EPHA3: variants seen among roughly 807,000 people sequenced by gnomAD.
EPHA3 encodes ephrin type-A receptor 3.
Under a neutral mutation model 107.1 loss-of-function variants are expected in EPHA3, and 42 were observed. The observed-to-expected ratio is 0.39, with a 90% CI of 0.31 to 0.51. The LOEUF is 0.51. EPHA3 is among the 20% of genes least tolerant of loss of function. The probability of loss-of-function intolerance (pLI) is 0.78; values close to 1 mark genes in which losing one functional copy is unlikely to be tolerated. For synonymous variants in EPHA3, 461 were observed against 424.8 expected, an observed-to-expected ratio of 1.09 and a Z score of -1.05; for missense variants, 1,183 against 1,211.2, an observed-to-expected ratio of 0.98 and a Z score of 0.35.
intron 3 of EPHA3, among the ~76,000 whole-genome samples, chr3:89,315,831 A>G (rs1254823105): frequency 6.6e-6 from 1 of 151,848 alleles, no homozygotes; most frequent in Non-Finnish European, 1.5e-5. Flanking sequence ...CAGAATGTCA[A>G]ATTTAGTTGA....
chr3:89,146,233 T>G (rs1704555435), intron 2 of EPHA3, among the ~76,000 whole-genome samples: 1 of 151,894 alleles, frequency 6.6e-6, no homozygotes, highest in Non-Finnish European at 1.5e-5. Context: ...CATTAGTCAC[T>G]TAGTAGCTGT....
At chr3:89,420,273 T>A (rs1709330031) in intron 11 of EPHA3, among the ~76,000 whole-genome samples, 1 of 151,472 alleles carries the variant, frequency 6.6e-6, no homozygotes, top group Non-Finnish European at 1.5e-5. Context: ...AACAGACATA[T>A]TTTTCATAAT....
intron 3 of EPHA3, among the ~76,000 whole-genome samples, chr3:89,247,211 T>A (rs1388823362): frequency 6.6e-6 from 1 of 152,168 alleles, no homozygotes; most frequent in African/African-American, 2.4e-5. Flanking sequence ...TGTAGAGATA[T>A]ACAGACTCCA....
In EPHA3 at chr3:89,255,222, T is replaced by G. The variant is rs535382691; in HGVS notation, c.814+44702T>G. Among the ~76,000 whole-genome samples the G allele has an allele frequency of 1.2e-4, 18 of 152,338 alleles. No homozygotes were observed. In the South Asian group the frequency reaches 3.7e-3, roughly 32 times the overall value. ...CTCAAGACGGAAGTCTATGGTAGCA[T>G]TTTATTACACGTATGACCACACATT... On this transcript the variant is annotated intron_variant, in intron 3 of 16. Coordinates refer to ENST00000336596, the MANE Select transcript of EPHA3 (RefSeq NM_005233.6).
chr3:89,424,915 G>A (rs933389947), intron 11 of EPHA3, among the ~76,000 whole-genome samples: 18 of 151,398 alleles, frequency 1.2e-4, no homozygotes, highest in Admixed American at 3.3e-4. Flanking sequence ...CATTCTATGT[G>A]TTAGGATTGA....
At chr3:89,422,618 T>C (rs1268536259) in intron 11 of EPHA3, among the ~76,000 whole-genome samples, 1 of 151,428 alleles carries the variant, frequency 6.6e-6, no homozygotes, top group Admixed American at 6.6e-5. Context: ...ATATATTAAG[T>C]GGCAAAGAAC....
At chr3:89,160,579 TGTGTGTGTGTGC>T (rs1225799626) in intron 2 of EPHA3, among the ~76,000 whole-genome samples, 41 of 138,094 alleles carry the variant, frequency 3.0e-4, no homozygotes, top group African/African-American at 1.0e-3. Context: ...TGTGTGTGTG[TGTGTGTGTGTGC>T]GCGCATTCTT....
chr3:89,140,607 A>T (rs1046123302), intron 2 of EPHA3, among the ~76,000 whole-genome samples: 8 of 151,796 alleles, frequency 5.3e-5, no homozygotes, highest in African/African-American at 1.9e-4. Flanking sequence ...TGCTTTAGTG[A>T]TTATCTCTTG....
intron 3 of EPHA3, among the ~76,000 whole-genome samples, chr3:89,257,730 T>C (rs1705318904): frequency 8.3e-6 from 1 of 120,820 alleles, no homozygotes; most frequent in Admixed American, 8.0e-5. Flanking sequence ...TCAAAAACTC[T>C]TAAGTCCACA....
intron 15 of EPHA3, among the ~76,000 whole-genome samples, chr3:89,466,647 C>A (rs1710282125): frequency 7.7e-6 from 1 of 129,534 alleles, no homozygotes; most frequent in East Asian, 2.1e-4. Context: ...TCCCTGACCC[C>A]TTGCGCTTCC....
chr3:89,410,680 A>C (rs946738299), intron 9 of EPHA3, among the ~76,000 whole-genome samples: 3 of 151,962 alleles, frequency 2.0e-5, no homozygotes, highest in African/African-American at 7.2e-5. Context: ...TTCATCCTTA[A>C]AATGTAACTA....
At position 89,450,251 on chromosome 3, in the gene EPHA3, G is replaced by A. The variant is rs767812508; in HGVS notation, c.2571G>A (p.Met857Ile). 1 of 1,613,984 alleles carries A rather than the reference G, an allele frequency of 6.2e-7. No individual in the cohort carries two copies. The highest frequency in any genetic ancestry group is 1.1e-5 in the South Asian group (1 of 91,062). Residue 857 changes from methionine (M) to isoleucine (I), a missense_variant, in exon 15 of 17, where the codon ATG (methionine) becomes ATA (isoleucine). Coordinates refer to ENST00000336596, the MANE Select transcript of EPHA3 (RefSeq NM_005233.6). The part of the protein sequence containing the change: ...MDCPAALYQL[M>I]LDCWQKDRNN... ...GCCCAGCTGCCTTGTATCAGCTGAT[G>A]CTGGACTGCTGGCAGAAAGACAGGA...
At chr3:89,458,448 G>A (rs1204211834) in intron 15 of EPHA3, among the ~76,000 whole-genome samples, 2 of 152,022 alleles carry the variant, frequency 1.3e-5, no homozygotes, top group Non-Finnish European at 2.9e-5. Context: ...ATTAACAAAA[G>A]CTGAAAAAGG....
intron 5 of EPHA3, among the ~76,000 whole-genome samples, chr3:89,378,537 G>A (rs78744896): frequency 0.014 from 2,110 of 152,178 alleles, 57 homozygotes; most frequent in African/African-American, 0.048. Context: ...TACTTCACAA[G>A]CTTGGAAATA....
At chr3:89,181,200 A>C (rs1322401327) in intron 2 of EPHA3, among the ~76,000 whole-genome samples, 2 of 151,922 alleles carry the variant, frequency 1.3e-5, no homozygotes, top group South Asian at 4.1e-4. Flanking sequence ...CAGTGAATTT[A>C]TTGGTGTTCA....
intron 10 of EPHA3, among the ~76,000 whole-genome samples, chr3:89,414,940 TA>T (rs1471066107): frequency 6.6e-6 from 1 of 151,616 alleles, no homozygotes; most frequent in African/African-American, 2.4e-5. Context: ...AATGATTAGA[TA>T]TATGCCCATG....
At chr3:89,133,234 T>C (rs1704244319) in intron 2 of EPHA3, among the ~76,000 whole-genome samples, 1 of 152,194 alleles carries the variant, frequency 6.6e-6, no homozygotes, top group Admixed American at 6.5e-5. Context: ...GCACCTCTTC[T>C]AAATTCAGAG....
At chr3:89,235,016 C>A (rs565172522) in intron 3 of EPHA3, among the ~76,000 whole-genome samples, 54 of 125,964 alleles carry the variant, frequency 4.3e-4, no homozygotes, top group Non-Finnish European at 6.1e-4. Context: ...TTTTCTTTTC[C>A]CTCCCCTTCC....
chr3:89,430,759 C>T (rs951305563), intron 12 of EPHA3, among the ~76,000 whole-genome samples: 15 of 151,950 alleles, frequency 9.9e-5, no homozygotes, highest in African/African-American at 3.6e-4. Flanking sequence ...TATCAGGAAA[C>T]AAAGAAGGGG....
Sources: allele counts gnomAD v4.1 joint callset (sites outside exome capture counted in the v4.1 genomes callset), GRCh38; gene constraint gnomAD v4.1.1; transcripts MANE v1.5; gene names NCBI Gene and HGNC (gene_info 2026-07-23, HGNC 2026-07-21).